The following GOSR1 variants were observed in gnomAD, a reference collection of about 807,000 sequenced individuals.
GOSR1 encodes the protein 28 kDa Golgi SNARE protein.
A neutral mutation model predicts 35.5 loss-of-function variants in GOSR1; 21 were observed. The ratio of observed to expected loss-of-function variants is 0.59; its 90% CI spans 0.42 to 0.85. The LOEUF (loss-of-function observed/expected upper bound fraction) is 0.85. Ranked by LOEUF, GOSR1 falls within the 40% of genes least tolerant of loss-of-function variation. GOSR1 has a pLI of 0.00. For missense variants in GOSR1, 285 were observed against 309.6 expected, an observed-to-expected ratio of 0.92 and a Z score of 0.60; for synonymous variants, 94 against 106.6, an observed-to-expected ratio of 0.88 and a Z score of 0.73.
chr17:30,504,711 A>G (rs1350249270), intron 6 of GOSR1, among the ~76,000 whole-genome samples: 1 of 152,250 alleles, frequency 6.6e-6, no homozygotes, highest in Non-Finnish European at 1.5e-5. Flanking sequence ...CAAGGATTCT[A>G]TCTGTGTGCC....
chr17:30,485,724 A>G (rs1468757901), intron 4 of GOSR1, among the ~76,000 whole-genome samples: 2 of 152,244 alleles, frequency 1.3e-5, no homozygotes, highest in Non-Finnish European at 2.9e-5. Flanking sequence ...AACTGTTTTT[A>G]AAAGTAGGAA....
At position 30,526,954 on chromosome 17, in the gene GOSR1, G is replaced by A. The variant is rs1968193634; in HGVS notation, c.*4576G>A. On this transcript the variant is annotated 3_prime_UTR_variant, in exon 9 of 9. Transcript: ENST00000451249. Reference sequence around the variant, plus strand: ...GAAATAATACAGGTGCTGAAAAGCTGTCACATGTCATTCAGAAACCATCAT... The same window carrying A: ...GAAATAATACAGGTGCTGAAAAGCTATCACATGTCATTCAGAAACCATCAT... 1 of 152,154 alleles carries A rather than the reference G, an allele frequency of 6.6e-6. No homozygotes were observed. Among genetic ancestry groups the A allele is most frequent in the Non-Finnish European group, 1.5e-5 (1 of 68,030 alleles). The allele number at this position is 152,154 out of a possible 1,614,324, so 9.4% of individuals were successfully genotyped here.
At chr17:30,518,567 C>T (rs888144586) in intron 7 of GOSR1, among the ~76,000 whole-genome samples, 2 of 152,190 alleles carry the variant, frequency 1.3e-5, no homozygotes, top group Non-Finnish European at 1.5e-5. Context: ...ACCCTGCCCT[C>T]TAGGGCTCTA....
chr17:30,521,332 G>A (rs1261028154), intron 8 of GOSR1, among the ~76,000 whole-genome samples: 2 of 151,716 alleles, frequency 1.3e-5, no homozygotes, highest in African/African-American at 4.8e-5. Context: ...ACAGACACGT[G>A]CCACCATGCC....
intron 6 of GOSR1, among the ~76,000 whole-genome samples, chr17:30,506,719 A>G (rs891203710): frequency 2.0e-5 from 3 of 152,240 alleles, no homozygotes; most frequent in Non-Finnish European, 4.4e-5. Flanking sequence ...TTAGAAGAAG[A>G]TGCCATTTAG....
chr17:30,490,450 C>A (rs1278359813), intron 5 of GOSR1: 1 of 356,474 alleles, frequency 2.8e-6, no homozygotes, highest in Admixed American at 4.0e-5. Context: ...CCTTGACTTT[C>A]CTGTCTTAAT....
At chr17:30,517,345 A>G (rs1187011750) in intron 7 of GOSR1, among the ~76,000 whole-genome samples, 1 of 152,312 alleles carries the variant, frequency 6.6e-6, no homozygotes, top group South Asian at 2.1e-4. Context: ...GTGTTAAGTG[A>G]CAATTGTGTA....
intron 6 of GOSR1, among the ~76,000 whole-genome samples, chr17:30,510,198 C>T (rs1967564520): frequency 6.6e-6 from 1 of 151,926 alleles, no homozygotes; most frequent in Non-Finnish European, 1.5e-5. Flanking sequence ...CTCAGCCTGC[C>T]GAGTAGCTGG....
Position 30,510,909 on chromosome 17 carries a change from G to T in GOSR1, c.539G>T (p.Ser180Ile). 5 of 1,544,072 alleles carry T rather than the reference G, an allele frequency of 3.2e-6. No homozygotes were observed. The highest frequency in any genetic ancestry group is 3.6e-6 in the Non-Finnish European group (4 of 1,119,852). Residue 180 changes from serine to isoleucine, a missense_variant and splice_region_variant, in exon 7 of 9, where the codon AGC becomes ATC. Transcript: ENST00000451249. ...NSDRLIEETI[S>I]IAMATKENMT... is the part of the protein sequence containing the mutation. ...GATCGTCTGATAGAAGAGACAATAAGGTAGGAATAAGTTTTTGTTTTGCTT... is the reference window on the plus strand; with the variant it reads ...GATCGTCTGATAGAAGAGACAATAATGTAGGAATAAGTTTTTGTTTTGCTT...
At chr17:30,481,941 G>A (rs1305510924) in intron 2 of GOSR1, among the ~76,000 whole-genome samples, 1 of 151,796 alleles carries the variant, frequency 6.6e-6, no homozygotes, top group Non-Finnish European at 1.5e-5. Flanking sequence ...ACTAGCCTGG[G>A]CAACATGGTG....
intron 4 of GOSR1, among the ~76,000 whole-genome samples, chr17:30,488,565 G>A (rs1234602263): frequency 2.9e-5 from 4 of 137,598 alleles, no homozygotes; most frequent in Non-Finnish European, 6.2e-5. Flanking sequence ...ACAGAGTCTC[G>A]CTCTGTTGCC....
At chr17:30,499,155 T>C (rs1196181127) in intron 6 of GOSR1, among the ~76,000 whole-genome samples, 1 of 152,236 alleles carries the variant, frequency 6.6e-6, no homozygotes, top group Non-Finnish European at 1.5e-5. Context: ...CTTATTCTTT[T>C]TCTTAAATGT....
At position 30,477,694 on chromosome 17, in the gene GOSR1, G is replaced by C. The variant is rs1307598661; in HGVS notation, c.31+230G>C. 6 of 985,246 alleles carry C rather than the reference G, an allele frequency of 6.1e-6. No individual in the cohort carries two copies. The East Asian group carries it at 6.8e-4, about 112-fold the overall frequency. The allele number at this position is 985,246 out of a possible 1,614,324, so 61.0% of individuals were successfully genotyped here. A position where few individuals can be genotyped will look rare whatever the true frequency, so the allele number is the denominator to read the frequency against. On this transcript the variant is annotated intron_variant, in intron 1 of 8. Transcript: ENST00000451249. ...CGGGACGTGGGGCAGGGGTTGGGCAGAGTGGACAGAGCGGGGATGTAGAGG... is the reference window on the plus strand; with the variant it reads ...CGGGACGTGGGGCAGGGGTTGGGCACAGTGGACAGAGCGGGGATGTAGAGG...
At position 30,526,942 on chromosome 17, in the gene GOSR1, T is replaced by C. The variant is rs1968193493; in HGVS notation, c.*4564T>C. ...GAAACCCAGGATGAAATAATACAGG[T>C]GCTGAAAAGCTGTCACATGTCATTC... On this transcript the variant is annotated 3_prime_UTR_variant, in exon 9 of 9. Transcript: ENST00000451249. 2.6e-5 allele frequency: 4 copies of C among 152,174 alleles called. No individual in the cohort carries two copies. Among genetic ancestry groups the C allele is most frequent in the Non-Finnish European group, 5.9e-5 (4 of 68,042 alleles). The allele number at this position is 152,174 out of a possible 1,614,324, so 9.4% of individuals were successfully genotyped here.
In GOSR1 at chr17:30,525,474, G is replaced by A. The variant is rs928757649; in HGVS notation, c.*3096G>A. The A allele has an allele frequency of 2.6e-5, 4 of 152,050 alleles. No individual in the cohort carries two copies. The highest frequency in any genetic ancestry group is 9.7e-5 in the African/African-American group (4 of 41,400). The allele number at this position is 152,050 out of a possible 1,614,324, so 9.4% of individuals were successfully genotyped here. Reference sequence around the variant, plus strand: ...AGTTCATTGATTAAATTCTCTGTTGGGAGAACAAAACTTTTCTCCCTTGAC... The same window carrying A: ...AGTTCATTGATTAAATTCTCTGTTGAGAGAACAAAACTTTTCTCCCTTGAC... On this transcript the variant is annotated 3_prime_UTR_variant, in exon 9 of 9. Transcript: ENST00000451249.
At position 30,522,345 on chromosome 17, in the gene GOSR1, T is replaced by G; in HGVS notation, c.714T>G (p.Cys238Trp). 1 of 1,603,474 alleles carries G rather than the reference T, an allele frequency of 6.2e-7. No homozygotes were observed. The highest frequency in any genetic ancestry group is 8.5e-7 in the Non-Finnish European group (1 of 1,174,766). Residue 238 changes from cysteine (C) to tryptophan (W), a missense_variant, in exon 9 of 9, where the codon TGT becomes TGG. Cys to Trp is a radical substitution (Grantham distance 215). Coordinates refer to ENST00000451249, the MANE Select transcript of GOSR1 (RefSeq NM_001007025.2). ...TCCTAGGGGGTGTTATTGGGATCTG[T>G]ACCATCCTGTTGCTGCTGTATGCGT... Reference protein sequence around the residue: ...SLILGGVIGICTILLLLYAFH With the variant: ...SLILGGVIGIWTILLLLYAFH
intron 1 of GOSR1, chr17:30,478,961 A>G (rs1371581205): frequency 1.3e-5 from 2 of 152,232 alleles, no homozygotes; most frequent in Non-Finnish European, 2.9e-5. Flanking sequence ...ACAGCGGCTC[A>G]TTACTGACAA....
chr17:30,506,883 C>T (rs561379589), intron 6 of GOSR1, among the ~76,000 whole-genome samples: 1 of 152,184 alleles, frequency 6.6e-6, no homozygotes, highest in South Asian at 2.1e-4. Context: ...AACAGTTATG[C>T]TCAATCTACC....
chr17:30,510,728 T>A (rs752289814), intron 6 of GOSR1, 152 bp from the exon 7 acceptor site: 5 of 513,386 alleles, frequency 9.7e-6, no homozygotes, highest in African/African-American at 8.0e-5. Flanking sequence ...AAGAAAAAAA[T>A]TAGAGTCCAG....
Sources: allele counts gnomAD v4.1 joint callset (sites outside exome capture counted in the v4.1 genomes callset), GRCh38; gene constraint gnomAD v4.1.1; transcripts MANE v1.5; gene names NCBI Gene and HGNC (gene_info 2026-07-23, HGNC 2026-07-21).